The following CEP164 variants were observed in gnomAD, a reference collection of about 807,000 sequenced individuals.
The protein encoded by CEP164 is centrosomal protein of 164 kDa.
Under a neutral mutation model 182.7 loss-of-function variants are expected in CEP164, and 162 were observed. The observed-to-expected ratio is 0.89, with a 90% CI of 0.78 to 1.01. The LOEUF is 1.01. CEP164 is among the 50% of genes least tolerant of loss of function. The pLI is 0.00. For synonymous variants in CEP164, 661 were observed against 690.0 expected, an observed-to-expected ratio of 0.96 and a Z score of 0.66; for missense variants, 1,735 against 1,790.4, an observed-to-expected ratio of 0.97 and a Z score of 0.56.
intron 24 of CEP164, 87 bp from the exon 25 acceptor site, chr11:117,395,967 A>AG (rs1301775535): frequency 4.5e-6 from 7 of 1,558,984 alleles, no homozygotes; most frequent in Non-Finnish European, 6.1e-6. Flanking sequence ...GATGGGAGTG[A>AG]GGGGGTGGAG....
Position 117,394,509 on chromosome 11 carries a change from C to T in CEP164, c.2760+16C>T. The stretch of plus-strand genomic sequence containing the variant: ...CAGGGAGCAGGTGAGGGGCCTGGGG[C>T]AGGGTGAGCCCACTGTGACCCCTCC... On this transcript the variant is annotated intron_variant, in intron 21 of 32. Transcript: ENST00000278935. The surrounding 1 kb of genome is among the most constrained non-coding windows in gnomAD (Gnocchi z 4.0). The T allele has an allele frequency of 6.2e-7, 1 of 1,612,510 alleles. No homozygotes were observed.
intron 3 of CEP164, among the ~76,000 whole-genome samples, chr11:117,339,364 AC>A (rs2037720955): frequency 2.0e-5 from 3 of 152,146 alleles, no homozygotes; most frequent in Admixed American, 2.0e-4. Flanking sequence ...GTGTTCTGAG[AC>A]CAGGGGAAAC....
intron 8 of CEP164, among the ~76,000 whole-genome samples, chr11:117,364,883 T>C: frequency 6.6e-6 from 1 of 152,204 alleles, no homozygotes; most frequent in Non-Finnish European, 1.5e-5. Context: ...ACCTTTTGAT[T>C]ATGACTTTAC....
chr11:117,396,849 T>C (rs2045545215), intron 26 of CEP164, among the ~76,000 whole-genome samples: 1 of 152,204 alleles, frequency 6.6e-6, no homozygotes, highest in Admixed American at 6.5e-5. Context: ...TGGAAGTGTT[T>C]GGTCATCTAT....
At chr11:117,343,141 G>A (rs1336758459) in intron 3 of CEP164, among the ~76,000 whole-genome samples, 1 of 152,228 alleles carries the variant, frequency 6.6e-6, no homozygotes, top group Non-Finnish European at 1.5e-5. Flanking sequence ...AAAGTGCTGG[G>A]ATTACAGGCA....
chr11:117,388,068 C>G (rs1488810501), intron 15 of CEP164, among the ~76,000 whole-genome samples: 1 of 152,168 alleles, frequency 6.6e-6, no homozygotes, highest in African/African-American at 2.4e-5. Context: ...CCCCTAGCAT[C>G]CTCCTCTTCC....
intron 4 of CEP164, among the ~76,000 whole-genome samples, chr11:117,350,147 G>C (rs969141960): frequency 6.6e-6 from 1 of 152,106 alleles, no homozygotes; most frequent in East Asian, 1.9e-4. Context: ...GACGTCAGGT[G>C]ATCCACCTGC....
chr11:117,338,456 G>A, intron 2 of CEP164, 110 bp from the exon 3 acceptor site: 1 of 760,380 alleles, frequency 1.3e-6, no homozygotes, highest in Non-Finnish European at 2.3e-6. Context: ...TGGCCAAATT[G>A]CTCTGCAGGG....
chr11:117,328,563 T>C (rs2035684920), intron 1 of CEP164, among the ~76,000 whole-genome samples: 1 of 152,202 alleles, frequency 6.6e-6, no homozygotes, highest in Non-Finnish European at 1.5e-5. Flanking sequence ...ACTCCATCTC[T>C]TGCGTTATCA....
chr11:117,354,826 A>C (rs2040123753), intron 5 of CEP164: 2 of 543,238 alleles, frequency 3.7e-6, no homozygotes, highest in Non-Finnish European at 5.2e-6. Flanking sequence ...TTAGGGTTTA[A>C]ATAGAGGGTG....
chr11:117,387,091 G>A (rs2044048972), intron 14 of CEP164, 112 bp from the exon 15 acceptor site: 3 of 934,298 alleles, frequency 3.2e-6, no homozygotes, highest in Admixed American at 2.0e-5. Context: ...ACTCCTGATT[G>A]TGGGCCCTCC....
intron 2 of CEP164, chr11:117,336,342 G>A: frequency 6.9e-7 from 1 of 1,459,174 alleles, no homozygotes; most frequent in African/African-American, 1.4e-5. Flanking sequence ...GTCTGACCAT[G>A]CCAGGAGCCA....
At chr11:117,393,636 C>G (rs1482688279) in intron 20 of CEP164, among the ~76,000 whole-genome samples, 2 of 152,198 alleles carry the variant, frequency 1.3e-5, no homozygotes, top group African/African-American at 4.8e-5. Flanking sequence ...AGGATTCAAG[C>G]CCAGGCCATC....
upstream of CEP164, among the ~76,000 whole-genome samples, chr11:117,327,051 T>A (rs1444308674): frequency 6.6e-6 from 1 of 152,220 alleles, no homozygotes; most frequent in Admixed American, 6.5e-5. Context: ...ATTGTGTCAC[T>A]TTTTTTCTTC....
At chr11:117,404,453 C>T (rs576068891) in intron 27 of CEP164, among the ~76,000 whole-genome samples, 1 of 152,190 alleles carries the variant, frequency 6.6e-6, no homozygotes, top group Non-Finnish European at 1.5e-5. Context: ...CCACTCTAGA[C>T]CCTATTTGCT....
In CEP164 at chr11:117,411,429, C is replaced by T; in HGVS notation, c.4164-366C>T. 3.6e-6 allele frequency: 1 copy of T among 280,658 alleles called. No homozygotes were observed. The highest frequency in any genetic ancestry group is 4.9e-5 in the South Asian group (1 of 20,402). 17.4% of individuals were successfully genotyped at this position (280,658 alleles called of 1,614,324 possible). ...TGTTTTCCCCTCTCCCTCCCTTAGG[C>T]AGCTAACAGTGAGTACCCCCCACTA... On this transcript the variant is annotated intron_variant, in intron 31 of 32. Transcript: ENST00000278935. The surrounding 1 kb of genome is among the most constrained non-coding windows in gnomAD (Gnocchi z 4.4).
At chr11:117,407,842 T>C (rs1432058207) in intron 27 of CEP164, 83 bp from the exon 28 acceptor site, 2 of 929,458 alleles carry the variant, frequency 2.2e-6, no homozygotes, top group Admixed American at 2.2e-5. Flanking sequence ...TTGTTCAAGA[T>C]CACCCAGTCA....
chr11:117,392,251 A>T lies in CEP164; in HGVS notation c.2309A>T (p.His770Leu), dbSNP rs1206617795. The T allele has an allele frequency of 6.2e-7, 1 of 1,610,576 alleles. No homozygotes were observed. The highest frequency in any genetic ancestry group is 8.5e-7 in the Non-Finnish European group (1 of 1,178,430). ...KEAVATLEKEHSAELERLCSS... is the reference protein window; with the variant it reads ...KEAVATLEKELSAELERLCSS... ...GCTGTGGCAACGCTGGAGAAGGAGC[A>T]CAGTGCTGAGCTGGAGCGGCTCTGC... The change falls in exon 18 of 33, where the codon CAC becomes CTC. Residue 770 changes from histidine (H) to leucine (L), a missense_variant. Physicochemically the swap from His to Leu is moderately conservative, Grantham distance 99. Transcript: ENST00000278935.
In CEP164 at chr11:117,329,357, C is replaced by T. The variant is rs182308108; in HGVS notation, c.-98+1453C>T. Among the ~76,000 whole-genome samples, 15 of 152,290 alleles carry T rather than the reference C, an allele frequency of 9.8e-5. 1 individual carries two copies. The highest frequency in any genetic ancestry group is 9.2e-4 in the Admixed American group (14 of 15,290). On this transcript the variant is annotated intron_variant, in intron 1 of 32. Coordinates refer to ENST00000278935, the MANE Select transcript of CEP164 (RefSeq NM_014956.5). ...TCATTTACAGGATAGAGCCTCTGTTCTTCCAGGCCCTTTATAATATGCTCT... is the reference window on the plus strand; with the variant it reads ...TCATTTACAGGATAGAGCCTCTGTTTTTCCAGGCCCTTTATAATATGCTCT...
Sources: gnomAD v4.1 joint callset for allele counts (sites outside exome capture counted in the v4.1 genomes callset) on GRCh38, gnomAD v4.1.1 for gene constraint, Gnocchi (gnomAD v3.1) non-coding constraint, MANE v1.5 for transcripts, NCBI Gene and HGNC (gene_info 2026-07-23, HGNC 2026-07-21) for gene names.